The following IPCEF1 variants were observed in gnomAD, a reference collection of about 807,000 sequenced individuals.
IPCEF1 encodes the protein interaction protein for cytohesin exchange factors 1.
In IPCEF1, 31 loss-of-function variants were observed where a neutral mutation model predicts 50.9. The observed-to-expected ratio is 0.61, with a 90% CI of 0.46 to 0.82. IPCEF1 has a LOEUF of 0.82. Among genes scored for constraint, IPCEF1 ranks in the 40% least tolerant of loss-of-function variants. The probability of loss-of-function intolerance (pLI) is 0.00; values close to 1 mark genes in which losing one functional copy is unlikely to be tolerated. For synonymous variants in IPCEF1, 181 were observed against 192.0 expected, an observed-to-expected ratio of 0.94 and a Z score of 0.47; for missense variants, 458 against 514.0, an observed-to-expected ratio of 0.89 and a Z score of 1.05.
intron 3 of IPCEF1, among the ~76,000 whole-genome samples, chr6:154,262,731 C>T (rs1387660817): frequency 6.9e-6 from 1 of 144,796 alleles, no homozygotes; most frequent in African/African-American, 2.6e-5. Flanking sequence ...TTTTTTATGT[C>T]TTTGTTCCAA....
intron 11 of IPCEF1, among the ~76,000 whole-genome samples, chr6:154,165,889 G>A (rs767791642): frequency 1.3e-5 from 2 of 152,226 alleles, no homozygotes; most frequent in Admixed American, 6.5e-5. Flanking sequence ...AAGGAACTGA[G>A]GGGAGCCTCT....
At chr6:154,187,346 T>C (rs2128576493) in intron 10 of IPCEF1, among the ~76,000 whole-genome samples, 1 of 152,328 alleles carries the variant, frequency 6.6e-6, no homozygotes, top group Admixed American at 6.5e-5. Context: ...TGCTGTTTCC[T>C]ACTGTTTCCC....
chr6:154,228,410 C>A (rs1225107821), intron 5 of IPCEF1, among the ~76,000 whole-genome samples: 1 of 152,192 alleles, frequency 6.6e-6, no homozygotes, highest in Non-Finnish European at 1.5e-5. Context: ...GGTATCAAAC[C>A]CATCGTTTGG....
chr6:154,212,571 T>C (rs551145262), intron 9 of IPCEF1, among the ~76,000 whole-genome samples, 199 bp downstream of exon 9: 1 of 152,324 alleles, frequency 6.6e-6, no homozygotes, highest in East Asian at 1.9e-4. Flanking sequence ...CACACAAATA[T>C]ACCAAGTTTA....
At chr6:154,214,144 C>T (rs1778192651) in intron 8 of IPCEF1, 74 bp downstream of exon 8, 3 of 956,890 alleles carry the variant, frequency 3.1e-6, no homozygotes, top group South Asian at 2.6e-5. Context: ...TAGAACTTGA[C>T]ATTGTTTTTT....
intron 10 of IPCEF1, among the ~76,000 whole-genome samples, chr6:154,173,527 A>G (rs1306337939): frequency 6.6e-6 from 1 of 152,222 alleles, no homozygotes; most frequent in African/African-American, 2.4e-5. Flanking sequence ...TGAAGCATAC[A>G]CAAGCTTCAA....
In IPCEF1 at chr6:154,347,212, T is replaced by C. The variant is rs147300472; in HGVS notation, c.-62+9460A>G. Among the ~76,000 whole-genome samples the C allele has an allele frequency of 4.1e-4, 62 of 152,330 alleles. No homozygotes were observed. The East Asian group carries it at 0.011, about 27-fold the overall frequency. ...AACCTTATCCAAAAATAAGAAATTA[T>C]GTAGCATCCTTTTCCTTATATTATA... is the stretch of plus-strand genomic sequence containing the variant. On this transcript the variant is annotated intron_variant, in intron 1 of 11. Transcript: ENST00000367220.
chr6:154,314,023 C>T (rs1783152293), intron 1 of IPCEF1, among the ~76,000 whole-genome samples: 1 of 152,140 alleles, frequency 6.6e-6, no homozygotes, highest in Non-Finnish European at 1.5e-5. Context: ...GCTGGGATTA[C>T]AGGTGTGAGC....
chr6:154,207,301 A>G (rs1227025540), intron 9 of IPCEF1, among the ~76,000 whole-genome samples: 1 of 152,240 alleles, frequency 6.6e-6, no homozygotes, highest in Non-Finnish European at 1.5e-5. Context: ...TCAGTTAGAT[A>G]TTCAACCATA....
rs565150868 is a variant in IPCEF1 at position 154,255,605 on chromosome 6, A to C, written c.37-8117T>G. 2.6e-5 allele frequency among the ~76,000 whole-genome samples: 4 copies of C among 152,344 alleles called. No homozygotes were observed. In the South Asian group the frequency reaches 8.3e-4, roughly 32 times the overall value. ...ATGGAAAATTTTAAAAGGTCTTCAAATCATGCTTTTCTGCCATTTTCCTCA... is the reference window on the plus strand; with the variant it reads ...ATGGAAAATTTTAAAAGGTCTTCAACTCATGCTTTTCTGCCATTTTCCTCA... On this transcript the variant is annotated intron_variant, in intron 3 of 11. Transcript: ENST00000367220.
At chr6:154,241,602 C>G (rs1780597737) in intron 5 of IPCEF1, among the ~76,000 whole-genome samples, 1 of 151,996 alleles carries the variant, frequency 6.6e-6, no homozygotes, top group African/African-American at 2.4e-5. Flanking sequence ...TTCTTCATAC[C>G]TCACCCCTTT....
chr6:154,195,796 T>C (rs1776570323), intron 10 of IPCEF1, among the ~76,000 whole-genome samples: 1 of 151,602 alleles, frequency 6.6e-6, no homozygotes, highest in South Asian at 2.1e-4. Context: ...TCACAATTTT[T>C]TTTTTTTTTT....
At chr6:154,228,625 T>C (rs1470338543) in intron 5 of IPCEF1, among the ~76,000 whole-genome samples, 1 of 152,324 alleles carries the variant, frequency 6.6e-6, no homozygotes, top group South Asian at 2.1e-4. Flanking sequence ...AATACATATT[T>C]TTATGAAAAT....
intron 2 of IPCEF1, among the ~76,000 whole-genome samples, chr6:154,284,075 T>C (rs1370444754): frequency 2.0e-5 from 3 of 152,222 alleles, no homozygotes; most frequent in Admixed American, 6.5e-5. Context: ...TATTCCTAGC[T>C]TGATATCCCT....
intron 10 of IPCEF1, among the ~76,000 whole-genome samples, chr6:154,182,549 T>C (rs1256068012): frequency 2.0e-5 from 3 of 152,206 alleles, no homozygotes; most frequent in African/African-American, 4.8e-5. Context: ...ATATTTAAAG[T>C]AGACATAAAA....
chr6:154,287,148 T>C (rs995784582), intron 2 of IPCEF1, among the ~76,000 whole-genome samples: 1 of 127,668 alleles, frequency 7.8e-6, no homozygotes, highest in Non-Finnish European at 1.6e-5. Context: ...TGTAGCACTT[T>C]GCCCTTCTCT....
chr6:154,223,029 G>A, intron 6 of IPCEF1, 141 bp downstream of exon 6: 1 of 681,816 alleles, frequency 1.5e-6, no homozygotes, highest in Non-Finnish European at 2.6e-6. Context: ...TTCTATGTAG[G>A]GTGCCAACCC....
intron 6 of IPCEF1, among the ~76,000 whole-genome samples, chr6:154,222,697 A>G (rs1778962223): frequency 6.6e-6 from 1 of 152,182 alleles, no homozygotes; most frequent in Non-Finnish European, 1.5e-5. Context: ...TTGGATTTCA[A>G]TTAGATCAGA....
chr6:154,242,342 A>G (rs1239850458), intron 5 of IPCEF1, among the ~76,000 whole-genome samples: 1 of 152,120 alleles, frequency 6.6e-6, no homozygotes, highest in Admixed American at 6.5e-5. Context: ...CTGGAAAACT[A>G]TTTTCTGTCA....
Sources: gnomAD v4.1 joint callset for allele counts (sites outside exome capture counted in the v4.1 genomes callset) on GRCh38, gnomAD v4.1.1 for gene constraint, MANE v1.5 for transcripts, NCBI Gene and HGNC (gene_info 2026-07-23, HGNC 2026-07-21) for gene names.